Variants in ARHGAP22 observed in about 807,000 individuals in gnomAD.
ARHGAP22 encodes Rho GTPase activating protein 22.
Under a neutral mutation model 59.1 loss-of-function variants are expected in ARHGAP22, and 48 were observed. The observed-to-expected ratio is 0.81, with a 90% CI of 0.64 to 1.03. The LOEUF is 1.03. Among genes scored for constraint, ARHGAP22 ranks in the 50% least tolerant of loss-of-function variants. ARHGAP22 has a pLI of 0.00. For synonymous variants in ARHGAP22, 445 were observed against 416.4 expected (o/e 1.07, Z -0.84); for missense variants, 1,015 against 958.7 (o/e 1.06, Z -0.78).
chr10:48,575,477 CTCTT>C (rs2058654296), intron 2 of ARHGAP22: 1 of 152,276 alleles, frequency 6.6e-6, no homozygotes, highest in African/African-American at 2.4e-5. Context: ...CTGAGGTTTC[CTCTT>C]TCTTAAAGAT....
chr10:48,570,879 C>T (rs1021250822), intron 2 of ARHGAP22, among the ~76,000 whole-genome samples: 8 of 152,218 alleles, frequency 5.3e-5, no homozygotes, highest in Non-Finnish European at 7.3e-5. Flanking sequence ...CTGCACGAAA[C>T]GGCCATTGAG....
At chr10:48,584,953 C>G (rs2059338396) in intron 1 of ARHGAP22, among the ~76,000 whole-genome samples, 2 of 150,264 alleles carry the variant, frequency 1.3e-5, no homozygotes, top group South Asian at 4.2e-4. Context: ...GAGATTGCGC[C>G]ACTGCACTCC....
At chr10:48,579,416 G>A (rs1471947226) in intron 2 of ARHGAP22, among the ~76,000 whole-genome samples, 1 of 152,228 alleles carries the variant, frequency 6.6e-6, no homozygotes, top group Non-Finnish European at 1.5e-5. Flanking sequence ...GAAACTGTGG[G>A]ATCTGTCTGC....
chr10:48,580,722 C>A (rs919906329), intron 2 of ARHGAP22, among the ~76,000 whole-genome samples: 6 of 152,180 alleles, frequency 3.9e-5, no homozygotes, highest in Non-Finnish European at 7.4e-5. Context: ...CTGTGGGGAA[C>A]CAGAGGTGTG....
At chr10:48,615,175 G>A (rs2061032568) in intron 1 of ARHGAP22, among the ~76,000 whole-genome samples, 1 of 152,086 alleles carries the variant, frequency 6.6e-6, no homozygotes, top group African/African-American at 2.4e-5. Flanking sequence ...CTAACCTAAG[G>A]CCAACCTCTA....
chr10:48,439,331 AAAG>A, the ARHGAP22 span: 5 of 150,514 alleles, frequency 3.3e-5, no homozygotes, highest in African/African-American at 4.9e-5. Flanking sequence ...TTTAAATAAA[AAAG>A]AAAAAAGTGG....
chr10:48,473,780 T>C (rs1410475069), intron 4 of ARHGAP22, among the ~76,000 whole-genome samples: 1 of 152,198 alleles, frequency 6.6e-6, no homozygotes, highest in Non-Finnish European at 1.5e-5. Flanking sequence ...CACACTTCAA[T>C]GCAATGGGCT....
At chr10:48,443,307 G>A (rs34998287), downstream of ARHGAP22, among the ~76,000 whole-genome samples, 3,733 of 152,150 alleles carry the variant, frequency 0.025, 71 homozygotes, top group Middle Eastern at 0.054. Context: ...GCTCTCAAAT[G>A]CTTTCCTATT....
At chr10:48,582,801 G>A (rs2059196195) in intron 2 of ARHGAP22, 152 bp downstream of exon 2, 1 of 814,240 alleles carries the variant, frequency 1.2e-6, no homozygotes, top group Non-Finnish European at 1.9e-6. Context: ...GAACATGGGG[G>A]ATAAGAATGA....
At chr10:48,483,348 CA>C (rs1222451771) in intron 3 of ARHGAP22, among the ~76,000 whole-genome samples, 2 of 152,118 alleles carry the variant, frequency 1.3e-5, no homozygotes, top group Non-Finnish European at 2.9e-5. Context: ...ATTTTTCCCC[CA>C]AAAATTTGCA....
chr10:48,531,720 C>A (rs2054869866), intron 3 of ARHGAP22, among the ~76,000 whole-genome samples: 1 of 152,186 alleles, frequency 6.6e-6, no homozygotes, highest in Admixed American at 6.5e-5. Context: ...CACAAGGTCA[C>A]AACAGCTAAT....
intron 9 of ARHGAP22, 36 bp downstream of exon 9, chr10:48,450,225 C>T (rs776774942): frequency 1.3e-6 from 2 of 1,597,730 alleles, no homozygotes; most frequent in Non-Finnish European, 1.7e-6. Flanking sequence ...GCAGGCTCCG[C>T]CCCGTCACAG....
rs1311781587 is a variant in ARHGAP22, at chr10:48,633,981, C to T, written c.52+18253G>A. 3.9e-5 allele frequency among the ~76,000 whole-genome samples: 6 copies of T among 152,324 alleles called. 1 individual carries two copies. The highest frequency in any genetic ancestry group is 1.4e-4 in the African/African-American group (6 of 41,574). ...ATGGGCATCTATGCCCTATGTTCTC[C>T]CTCACCTTCTTCCTGGCCACCAGGA... On this transcript the variant is annotated intron_variant, in intron 1 of 9. Coordinates refer to the ARHGAP22 transcript ENST00000435790.
intron 4 of ARHGAP22, among the ~76,000 whole-genome samples, chr10:48,470,052 C>CA (rs2061496008): frequency 6.6e-6 from 1 of 152,332 alleles, no homozygotes; most frequent in African/African-American, 2.4e-5. Flanking sequence ...AGCAGGGACA[C>CA]AGAGTCCAGG....
chr10:48,478,764 A>T (rs1564731799), intron 4 of ARHGAP22, among the ~76,000 whole-genome samples: 1 of 152,082 alleles, frequency 6.6e-6, no homozygotes, highest in Non-Finnish European at 1.5e-5. Flanking sequence ...CCATGTCCAG[A>T]CCATAGGCAA....
At chr10:48,585,536 C>A (rs1181863301) in intron 1 of ARHGAP22, among the ~76,000 whole-genome samples, 1 of 152,198 alleles carries the variant, frequency 6.6e-6, no homozygotes, top group Non-Finnish European at 1.5e-5. Flanking sequence ...CTGAATCTAT[C>A]ACTTTTACAC....
chr10:48,624,259 G>C (rs1174829376), intron 1 of ARHGAP22: 2 of 152,270 alleles, frequency 1.3e-5, no homozygotes, highest in African/African-American at 4.8e-5. Context: ...GACCAACATG[G>C]TGAAACCCTG....
rs147271510 is a variant in ARHGAP22 at position 48,488,719 on chromosome 10, G to A, written c.323-8955C>T. 2.6e-3 allele frequency among the ~76,000 whole-genome samples: 399 copies of A among 152,332 alleles called. 1 individual carries two copies. The highest frequency in any genetic ancestry group is 6.7e-3 in the African/African-American group (279 of 41,576). On this transcript the variant is annotated intron_variant, in intron 3 of 9. Transcript: ENST00000249601. ...GCCATGCTTTGCCTGGCATTAGCGT[G>A]GGTGCTGTTGCCTCTGATCCTTTCT...
At chr10:48,489,384 T>C (rs1477385010) in intron 3 of ARHGAP22, among the ~76,000 whole-genome samples, 1 of 152,238 alleles carries the variant, frequency 6.6e-6, no homozygotes, top group African/African-American at 2.4e-5. Flanking sequence ...CAGGTTTGTT[T>C]GCCCATAAAC....
Sources: allele counts gnomAD v4.1 joint callset (sites outside exome capture counted in the v4.1 genomes callset), GRCh38; gene constraint gnomAD v4.1.1; transcripts MANE v1.5; gene names NCBI Gene and HGNC (gene_info 2026-07-23, HGNC 2026-07-21).